CAPS2: variants seen among roughly 807,000 people sequenced by gnomAD.
The protein encoded by CAPS2 is calcyphosin-2.
In CAPS2, 98 loss-of-function variants were observed where a neutral mutation model predicts 86.5. The observed-to-expected ratio is 1.13, with a 90% confidence interval of 0.96 to 1.34. CAPS2 has a LOEUF of 1.34. Ranked by LOEUF, CAPS2 falls within the 40% of genes most tolerant of loss-of-function variation. CAPS2 has a pLI of 0.00. For missense variants in CAPS2, 729 were observed against 686.8 expected (o/e 1.06, Z -0.69); for synonymous variants, 210 against 225.1 (o/e 0.93, Z 0.60).
chr12:75,277,876 A>T (rs2033191780), exon 17 of CAPS2: 1 of 881,262 alleles, frequency 1.1e-6, no homozygotes, highest in African/African-American at 1.8e-5. Context: ...CAAAGAATTT[A>T]GAAAGAATGA....
At chr12:75,333,454 A>T (rs888312966), upstream of CAPS2, among the ~76,000 whole-genome samples, 3 of 152,132 alleles carry the variant, frequency 2.0e-5, no homozygotes, top group Non-Finnish European at 2.9e-5. Context: ...ATATACACAC[A>T]CACACACACG....
In CAPS2 at chr12:75,305,967, C is replaced by A. The variant is rs1485422896; in HGVS notation, c.660-1091G>T. On this transcript the variant is annotated intron_variant, in intron 7 of 16. Coordinates refer to ENST00000393284, the Ensembl canonical transcript of CAPS2. ...AGCCCGAGGAGCATGGACAGGGTGGCTCTGAGCAACAGCAGGGTCCTGACA... is the reference window on the plus strand; with the variant it reads ...AGCCCGAGGAGCATGGACAGGGTGGATCTGAGCAACAGCAGGGTCCTGACA... 4.3e-5 allele frequency: 57 copies of A among 1,312,884 alleles called. No individual in the cohort carries two copies. In the East Asian group the frequency reaches 1.3e-3, roughly 31 times the overall value. The allele number at this position is 1,312,884 out of a possible 1,614,324, so 81.3% of individuals were successfully genotyped here.
At chr12:75,339,254 T>C (rs531361452) in intron 1 of CAPS2, among the ~76,000 whole-genome samples, 1 of 152,280 alleles carries the variant, frequency 6.6e-6, no homozygotes, top group East Asian at 1.9e-4. Context: ...CCCGCAACAC[T>C]GCCAGCACCT....
chr12:75,287,692 T>C (rs955776607), intron 14 of CAPS2, among the ~76,000 whole-genome samples: 4 of 152,210 alleles, frequency 2.6e-5, no homozygotes, highest in Middle Eastern at 3.2e-3. Flanking sequence ...ACTTTGCGTA[T>C]TCATCTCTTC....
chr12:75,325,489 C>T (rs2040681914), intron 1 of CAPS2: 1 of 163,922 alleles, frequency 6.1e-6, no homozygotes, highest in African/African-American at 2.4e-5. Context: ...AATCCCTAAC[C>T]ACATAGCACT....
chr12:75,363,251 A>T (rs2043737282), intron 1 of CAPS2: 3 of 784,422 alleles, frequency 3.8e-6, no homozygotes, highest in South Asian at 7.1e-5. Context: ...ATATTTATTA[A>T]ATTTTAAAAT....
chr12:75,336,008 G>C (rs899454454), intron 1 of CAPS2, among the ~76,000 whole-genome samples: 11 of 151,856 alleles, frequency 7.2e-5, no homozygotes, highest in African/African-American at 2.4e-4. Context: ...AGCAAAATAT[G>C]ATAACAATGA....
In CAPS2 at chr12:75,355,935, G is replaced by A. The variant is rs936956842; in HGVS notation, c.-394-32713C>T. 1.4e-4 allele frequency among the ~76,000 whole-genome samples: 22 copies of A among 152,080 alleles called. 1 individual carries two copies. Among genetic ancestry groups the A allele is most frequent in the Admixed American group, 9.8e-4 (15 of 15,246 alleles). ...CAAATGGGAGCTGAACAATGGGAACGCTTGGCCACACAAAGGGTAACAACA... is the reference window on the plus strand; with the variant it reads ...CAAATGGGAGCTGAACAATGGGAACACTTGGCCACACAAAGGGTAACAACA... On this transcript the variant is annotated intron_variant, in intron 1 of 5. Transcript: ENST00000551829.
At chr12:75,278,781 G>T in exon 17 of CAPS2, 1 of 1,340,864 alleles carries the variant, frequency 7.5e-7, no homozygotes, top group Non-Finnish European at 9.5e-7. Flanking sequence ...CAAGAAACCA[G>T]AATAAAGGAA....
At chr12:75,380,271 T>A (rs1297903750) in intron 1 of CAPS2, among the ~76,000 whole-genome samples, 1 of 152,184 alleles carries the variant, frequency 6.6e-6, no homozygotes. Flanking sequence ...TTTGAGATGG[T>A]TTGCTTAGTT....
At chr12:75,370,039 T>C (rs753442512) in intron 1 of CAPS2, 1 of 1,308,274 alleles carries the variant, frequency 7.6e-7, no homozygotes, top group South Asian at 1.2e-5. Flanking sequence ...CCGTTGAAAA[T>C]CAATTGAACT....
chr12:75,358,161 AC>A (rs2043280129), intron 1 of CAPS2, among the ~76,000 whole-genome samples: 1 of 151,808 alleles, frequency 6.6e-6, no homozygotes, highest in African/African-American at 2.4e-5. Flanking sequence ...TACAGATTTT[AC>A]AAATATTAAA....
rs374674430 is a variant in CAPS2, at chr12:75,382,155, GAGAA to G, written c.-395+8679_-395+8682del. Among the ~76,000 whole-genome samples, 604 of 152,166 alleles carry G rather than the reference GAGAA, an allele frequency of 4.0e-3. 2 individuals carry two copies. The highest frequency in any genetic ancestry group is 0.012 in the African/African-American group (518 of 41,506). On this transcript the variant is annotated intron_variant, in intron 1 of 5. Coordinates refer to the CAPS2 transcript ENST00000551829. Reference sequence around the variant, plus strand: ...TCAATCGAGTATGTAAAGAAACAATGAGAAAGAGTCAATAAAATAAAAACAATGT... The same window carrying G: ...TCAATCGAGTATGTAAAGAAACAATGAGAGTCAATAAAATAAAAACAATGT...
chr12:75,348,403 T>C (rs1410043028), intron 1 of CAPS2, among the ~76,000 whole-genome samples: 5 of 152,192 alleles, frequency 3.3e-5, no homozygotes, highest in Non-Finnish European at 5.9e-5. Flanking sequence ...TGTGTATATA[T>C]CTCTCTGTAT....
intron 5 of CAPS2, among the ~76,000 whole-genome samples, chr12:75,317,867 T>G (rs1236935035): frequency 6.6e-6 from 1 of 152,086 alleles, no homozygotes; most frequent in African/African-American, 2.4e-5. Flanking sequence ...TGCCTTCTTA[T>G]CAAATTTCTA....
At chr12:75,278,881 T>C (rs1462678689) in exon 17 of CAPS2, 1 of 1,534,524 alleles carries the variant, frequency 6.5e-7, no homozygotes, top group Non-Finnish European at 8.7e-7. Context: ...ACATATGTAT[T>C]ATTAAAGACT....
chr12:75,353,922 CT>C (rs2042974760), intron 1 of CAPS2, among the ~76,000 whole-genome samples: 1 of 152,084 alleles, frequency 6.6e-6, no homozygotes, highest in Non-Finnish European at 1.5e-5. Flanking sequence ...GCCAAAAGGC[CT>C]TCAATAAAAT....
intron 5 of CAPS2, among the ~76,000 whole-genome samples, 174 bp downstream of exon 5, chr12:75,321,226 C>A (rs566937637): frequency 1.3e-5 from 2 of 152,172 alleles, no homozygotes; most frequent in South Asian, 4.1e-4. Context: ...TTGTGAAAAA[C>A]AAACTAGTCA....
intron 1 of CAPS2, among the ~76,000 whole-genome samples, chr12:75,385,023 G>A (rs187086777): frequency 1.8e-4 from 28 of 152,292 alleles, no homozygotes; most frequent in African/African-American, 5.8e-4. Context: ...TATCACAGGA[G>A]TGAGACTAAA....
Sources: gnomAD v4.1 joint callset for allele counts (sites outside exome capture counted in the v4.1 genomes callset) on GRCh38, gnomAD v4.1.1 for gene constraint, MANE v1.5 for transcripts, NCBI Gene and HGNC (gene_info 2026-07-23, HGNC 2026-07-21) for gene names.